Variants in ITSN2 observed in about 807,000 individuals in gnomAD.
The protein encoded by ITSN2 is intersectin-2.
A neutral mutation model predicts 243.7 loss-of-function variants in ITSN2; 156 were observed. The observed-to-expected ratio is 0.64, with a 90% CI of 0.56 to 0.73. The LOEUF is 0.73. ITSN2 is among the 30% of genes least tolerant of loss of function. The probability of loss-of-function intolerance (pLI) is 0.00; values close to 1 mark genes in which losing one functional copy is unlikely to be tolerated. For missense variants in ITSN2, 1,801 were observed against 1,996.1 expected (o/e 0.90, Z 1.86); for synonymous variants, 703 against 699.9 (o/e 1.00, Z -0.07).
intron 9 of ITSN2, 141 bp from the exon 10 acceptor site, chr2:24,302,243 A>C (rs551089942): frequency 5.1e-6 from 2 of 388,760 alleles, no homozygotes; most frequent in Non-Finnish European, 4.0e-6. Context: ...CTGTCGCTCA[A>C]CCTGGAGTGC....
intron 27 of ITSN2, among the ~76,000 whole-genome samples, chr2:24,248,335 T>C (rs1327560005): frequency 6.6e-6 from 1 of 152,186 alleles, no homozygotes; most frequent in Non-Finnish European, 1.5e-5. Flanking sequence ...GGAAAGATGA[T>C]GCTGTTTCTT....
intron 1 of ITSN2, among the ~76,000 whole-genome samples, chr2:24,350,690 T>C (rs1381418833): frequency 2.6e-5 from 4 of 152,236 alleles, no homozygotes; most frequent in African/African-American, 9.6e-5. Context: ...TACTGATCTA[T>C]GCTATAACAT....
intron 1 of ITSN2, among the ~76,000 whole-genome samples, chr2:24,340,519 A>G (rs1017944960): frequency 6.6e-6 from 1 of 151,822 alleles, no homozygotes; most frequent in Non-Finnish European, 1.5e-5. Context: ...TTTACCCAGC[A>G]TCAAGATGAA....
intron 15 of ITSN2, among the ~76,000 whole-genome samples, chr2:24,287,754 A>G (rs1475361736): frequency 6.6e-6 from 1 of 152,052 alleles, no homozygotes. Context: ...AGGTGATATT[A>G]TATTTCAATG....
In ITSN2 at chr2:24,217,124, C is replaced by T. The variant is rs1033539820; in HGVS notation, c.3806+783G>A. On this transcript the variant is annotated intron_variant, in intron 31 of 39. Coordinates refer to ENST00000355123, the MANE Select transcript of ITSN2 (RefSeq NM_006277.3). ...ATTAGCCAGGTGTGGTGGTGGGTGC[C>T]TGTTGTCCCAGCTACTCGGGAGGCT... 4.6e-5 allele frequency among the ~76,000 whole-genome samples: 7 copies of T among 150,694 alleles called. No homozygotes were observed. In the East Asian group the frequency reaches 9.7e-4, roughly 21 times the overall value.
At chr2:24,205,398 C>T in intron 37 of ITSN2, 101 bp from the exon 38 acceptor site, 3 of 975,966 alleles carry the variant, frequency 3.1e-6, no homozygotes, top group South Asian at 1.4e-5. Flanking sequence ...TCCCCATCTG[C>T]CACTGCCCTG....
At chr2:24,295,455 C>T (rs1027991773) in intron 14 of ITSN2, among the ~76,000 whole-genome samples, 2 of 152,052 alleles carry the variant, frequency 1.3e-5, no homozygotes, top group Admixed American at 6.6e-5. Flanking sequence ...TACAGGCATG[C>T]GCCACCATAC....
intron 1 of ITSN2, among the ~76,000 whole-genome samples, chr2:24,355,196 G>C (rs1254003066): frequency 3.3e-5 from 5 of 152,128 alleles, no homozygotes; most frequent in African/African-American, 4.8e-5. Context: ...ACAGCTGTAG[G>C]ATGTTACAAA....
intron 17 of ITSN2, among the ~76,000 whole-genome samples, chr2:24,281,791 T>C (rs1197581402): frequency 6.6e-6 from 1 of 152,200 alleles, no homozygotes; most frequent in Non-Finnish European, 1.5e-5. Context: ...CTACCAGCTA[T>C]AAACCTTGCC....
At chr2:24,218,279 CT>C (rs908068393) in intron 30 of ITSN2, among the ~76,000 whole-genome samples, 2 of 152,202 alleles carry the variant, frequency 1.3e-5, no homozygotes, top group African/African-American at 4.8e-5. Flanking sequence ...TCAGATTTCT[CT>C]CTTAGGGATG....
intron 2 of ITSN2, among the ~76,000 whole-genome samples, chr2:24,325,081 A>G (rs1296386935): frequency 6.6e-6 from 1 of 152,066 alleles, no homozygotes; most frequent in Non-Finnish European, 1.5e-5. Context: ...ATTAAAACAT[A>G]AAGTATTAAT....
chr2:24,302,066 T>A lies in ITSN2; in HGVS notation c.894A>T (p.Lys298Asn). 2 of 1,611,924 alleles carry A rather than the reference T, an allele frequency of 1.2e-6. No individual in the cohort carries two copies. Among genetic ancestry groups the A allele is most frequent in the Non-Finnish European group, 1.7e-6 (2 of 1,178,558 alleles). ...LADVDGDGQLKAEEFILAMHL... is the reference protein window; with the variant it reads ...LADVDGDGQLNAEEFILAMHL... ...GCATTGCAAGAATAAACTCTTCTGC[T>A]TTTAGCTGTCCATCACCATCAACGT... is the stretch of plus-strand genomic sequence containing the variant. The change falls in exon 10 of 40, where the codon AAA (lysine) becomes AAT (asparagine). Residue 298 changes from lysine (K) to asparagine (N), a missense_variant. Physicochemically the swap from Lys to Asn is moderately conservative, Grantham distance 94 (BLOSUM62 0). Transcript: ENST00000355123.
chr2:24,210,089 C>A (rs1669319078), intron 34 of ITSN2, 56 bp from the exon 35 acceptor site: 1 of 1,307,104 alleles, frequency 7.7e-7, no homozygotes, highest in Non-Finnish European at 1.1e-6. Context: ...ATCCAGTGCC[C>A]CTGAGAGGCC....
At chr2:24,328,514 G>A (rs1057228204) in intron 1 of ITSN2, among the ~76,000 whole-genome samples, 4 of 151,428 alleles carry the variant, frequency 2.6e-5, no homozygotes, top group Admixed American at 1.3e-4. Context: ...CCAGGCTGGA[G>A]TGCAGTGGTG....
At chr2:24,215,052 TAAC>T (rs1669833226) in intron 32 of ITSN2, among the ~76,000 whole-genome samples, 1 of 152,250 alleles carries the variant, frequency 6.6e-6, no homozygotes, top group Non-Finnish European at 1.5e-5. Context: ...TCTATTATAA[TAAC>T]CTGTACGAAG....
intron 1 of ITSN2, among the ~76,000 whole-genome samples, chr2:24,335,344 G>T (rs898510586): frequency 4.6e-5 from 7 of 152,100 alleles, no homozygotes; most frequent in Non-Finnish European, 8.8e-5. Flanking sequence ...CAGTGCTCTG[G>T]TTTTTTAAGA....
intron 1 of ITSN2, among the ~76,000 whole-genome samples, chr2:24,329,602 A>G (rs1263123571): frequency 1.3e-5 from 2 of 152,202 alleles, no homozygotes; most frequent in East Asian, 3.8e-4. Context: ...CCAGTTAGGA[A>G]GTGAAGGCCT....
At chr2:24,291,871 T>A (rs1230630372) in intron 15 of ITSN2, among the ~76,000 whole-genome samples, 4 of 152,322 alleles carry the variant, frequency 2.6e-5, no homozygotes, top group Middle Eastern at 3.4e-3. Flanking sequence ...ATGAGCACTA[T>A]GTTGGGTAAC....
chr2:24,204,070 G>C lies in ITSN2; in HGVS notation c.4936+175C>G. The C allele has an allele frequency of 1.5e-6, 1 of 665,708 alleles. No homozygotes were observed. The allele number at this position is 665,708 out of a possible 1,614,324, so 41.2% of individuals were successfully genotyped here. A position where few individuals can be genotyped will look rare whatever the true frequency, so the allele number is the denominator to read the frequency against. On this transcript the variant is annotated intron_variant, in intron 39 of 39. Coordinates refer to ENST00000355123, the MANE Select transcript of ITSN2 (RefSeq NM_006277.3). The surrounding 1 kb of genome is among the most constrained non-coding windows in gnomAD (Gnocchi z 5.1). ...GTCAAAGACCTGAAACACATCTCAG[G>C]CCACCTCCTCCCCTGAGGAAGGCCA...
Sources: allele counts gnomAD v4.1 joint callset (sites outside exome capture counted in the v4.1 genomes callset), GRCh38; gene constraint gnomAD v4.1.1; non-coding constraint Gnocchi (gnomAD v3.1); transcripts MANE v1.5; gene names NCBI Gene and HGNC (gene_info 2026-07-23, HGNC 2026-07-21).